The following TOMM34 variants were observed in gnomAD, a reference collection of about 807,000 sequenced individuals.
TOMM34 encodes the protein mitochondrial import receptor subunit TOM34.
TOMM34 carries 24 observed loss-of-function variants against 37.4 expected under a neutral mutation model. The ratio of observed to expected loss-of-function variants is 0.64; its 90% confidence interval spans 0.46 to 0.90. TOMM34 has a LOEUF of 0.90. TOMM34 is among the 40% of genes least tolerant of loss of function. The probability of loss-of-function intolerance (pLI) is 0.00; values close to 1 mark genes in which losing one functional copy is unlikely to be tolerated. For synonymous variants in TOMM34, 154 were observed against 148.9 expected (o/e 1.03, Z -0.25); for missense variants, 304 against 375.6 (o/e 0.81, Z 1.58).
At chr20:44,957,849 C>T (rs965005059) in intron 1 of TOMM34, among the ~76,000 whole-genome samples, 3 of 152,012 alleles carry the variant, frequency 2.0e-5, no homozygotes, top group African/African-American at 7.2e-5. Context: ...CACTGTGTTG[C>T]CCAGGTTGGT....
intron 1 of TOMM34, chr20:44,959,937 G>GA: frequency 1.0e-6 from 1 of 985,392 alleles, no homozygotes; most frequent in Non-Finnish European, 1.2e-6. Flanking sequence ...AATACTAACT[G>GA]AAAAATGAAT....
chr20:44,948,747 A>G lies in TOMM34; in HGVS notation c.681T>C (p.Ser227=). Residue 227 remains serine, a synonymous_variant, in exon 5 of 7, where the codon TCT becomes TCC. Coordinates refer to ENST00000372813, the MANE Select transcript of TOMM34 (RefSeq NM_006809.5). ...SESLLCSNLE[S]ATYSNRALCY... ...GGAGATACCTGTTGCTGTACGTGGC[A>G]GATTCCAGGTTACTACACAAGAGGC... The G allele has an allele frequency of 6.2e-7, 1 of 1,614,194 alleles. No individual in the cohort carries two copies. Among genetic ancestry groups the G allele is most frequent in the African/African-American group, 1.3e-5 (1 of 75,056 alleles).
Position 44,952,563 on chromosome 20 carries a change from C to T in TOMM34, c.381-561G>A, listed in dbSNP as rs1431291813. 4 of 716,642 alleles carry T rather than the reference C, an allele frequency of 5.6e-6. No homozygotes were observed. The African/African-American group carries it at 7.0e-5, about 13-fold the overall frequency. The allele number at this position is 716,642 out of a possible 1,614,324, so 44.4% of individuals were successfully genotyped here. ...GTTCAAGACTTTGCACATGCTTTTT[C>T]CTCTACCCAGAACAACCATTTTCAT... On this transcript the variant is annotated intron_variant, in intron 3 of 6. Transcript: ENST00000372813.
intron 4 of TOMM34, among the ~76,000 whole-genome samples, chr20:44,950,603 T>G (rs1167969545): frequency 1.3e-5 from 2 of 152,122 alleles, no homozygotes; most frequent in East Asian, 3.9e-4. Flanking sequence ...CAATGGTAGG[T>G]GCACTGATTG....
At chr20:44,956,188 C>CTG (rs2067071080) in intron 2 of TOMM34, among the ~76,000 whole-genome samples, 198 bp downstream of exon 2, 1 of 152,178 alleles carries the variant, frequency 6.6e-6, no homozygotes. Context: ...AGCCAAGACT[C>CTG]CAAAGATGCA....
At position 44,942,176 on chromosome 20, in the gene TOMM34, G is replaced by A. The variant is rs1293680731; in HGVS notation, c.*933C>T. The A allele has an allele frequency of 6.6e-6, 1 of 152,218 alleles. No homozygotes were observed. Among genetic ancestry groups the A allele is most frequent in the Non-Finnish European group, 1.5e-5 (1 of 68,040 alleles). The allele number at this position is 152,218 out of a possible 1,614,324, so 9.4% of individuals were successfully genotyped here. A position where few individuals can be genotyped will look rare whatever the true frequency, so the allele number is the denominator to read the frequency against. On this transcript the variant is annotated 3_prime_UTR_variant, in exon 7 of 7. Coordinates refer to ENST00000372813, the MANE Select transcript of TOMM34 (RefSeq NM_006809.5). ...CTTTTATTATTACTACAGAGTTCCA[G>A]GTGCAAAGCTGAAAAGGCATAAATG...
intron 5 of TOMM34, among the ~76,000 whole-genome samples, chr20:44,944,025 G>T (rs2066959634): frequency 6.6e-6 from 1 of 152,122 alleles, no homozygotes; most frequent in Non-Finnish European, 1.5e-5. Context: ...GCTGACATGG[G>T]GTGAAATGTA....
chr20:44,955,195 T>C lies in TOMM34; in HGVS notation c.253A>G (p.Ile85Val). Reference sequence around the variant, plus strand: ...GATGCTCGCCGCAGCAGGGGCTTAATGCTGAAGGGAACCAAGGCCAGTGCT... The same window carrying C: ...GATGCTCGCCGCAGCAGGGGCTTAACGCTGAAGGGAACCAAGGCCAGTGCT... Reference protein sequence around the residue: ...TSALALVPFSIKPLLRRASAY... With the variant: ...TSALALVPFSVKPLLRRASAY... The change falls in exon 3 of 7, where the codon ATT becomes GTT. Residue 85 changes from isoleucine (I) to valine (V), a missense_variant. By Grantham distance (29) the Ile-to-Val change is conservative (BLOSUM62 3). Transcript: ENST00000372813. 5.6e-6 allele frequency: 9 copies of C among 1,614,212 alleles called. No individual in the cohort carries two copies. The highest frequency in any genetic ancestry group is 7.6e-6 in the Non-Finnish European group (9 of 1,180,042).
intron 1 of TOMM34, among the ~76,000 whole-genome samples, chr20:44,957,142 G>A (rs2067080795): frequency 2.0e-5 from 3 of 152,150 alleles, no homozygotes; most frequent in Non-Finnish European, 4.4e-5. Flanking sequence ...CTTACCCTCA[G>A]GAATCGCAGA....
chr20:44,942,863 G>A lies in TOMM34; in HGVS notation c.*246C>T. 4 of 571,744 alleles carry A rather than the reference G, an allele frequency of 7.0e-6. No homozygotes were observed. The highest frequency in any genetic ancestry group is 4.7e-4 in the Middle Eastern group (1 of 2,142). The allele number at this position is 571,744 out of a possible 1,614,324, so 35.4% of individuals were successfully genotyped here. The stretch of plus-strand genomic sequence containing the variant: ...GCTGGGCTGGGGGAATAGGGACAGA[G>A]CTTCAGCTTCACGCTTAGCTCTAGT... On this transcript the variant is annotated 3_prime_UTR_variant, in exon 7 of 7. Transcript: ENST00000372813.
At chr20:44,943,367 T>G in intron 6 of TOMM34, 86 bp downstream of exon 6, 2 of 1,601,526 alleles carry the variant, frequency 1.2e-6, no homozygotes, top group Non-Finnish European at 1.7e-6. Context: ...AGATATTGTC[T>G]CAGCTTGGCT....
In TOMM34 at chr20:44,957,358, G is replaced by T. The variant is rs1028767310; in HGVS notation, c.128-873C>A. ...CAGGCACTCGCCACCACGCCTGGTA[G>T]AGACAGGGTTTCACTATGTTGGCCA... On this transcript the variant is annotated intron_variant, in intron 1 of 6. Transcript: ENST00000372813. Among the ~76,000 whole-genome samples, 4 of 152,100 alleles carry T rather than the reference G, an allele frequency of 2.6e-5. 1 individual carries two copies. In the South Asian group the frequency reaches 8.3e-4, roughly 32 times the overall value.
At chr20:44,945,527 G>A (rs1418976483) in intron 5 of TOMM34, among the ~76,000 whole-genome samples, 2 of 152,176 alleles carry the variant, frequency 1.3e-5, no homozygotes, top group South Asian at 4.1e-4. Flanking sequence ...CAGGGAAGAA[G>A]CCAACTACTC....
intron 5 of TOMM34, among the ~76,000 whole-genome samples, chr20:44,948,162 AC>A (rs2066996555): frequency 6.6e-6 from 1 of 152,220 alleles, no homozygotes; most frequent in African/African-American, 2.4e-5. Flanking sequence ...TCACTCCTAC[AC>A]AGTGAAGGGA....
At chr20:44,945,337 C>A (rs1002396670) in intron 5 of TOMM34, among the ~76,000 whole-genome samples, 2 of 152,194 alleles carry the variant, frequency 1.3e-5, no homozygotes, top group Admixed American at 6.5e-5. Context: ...TGGCAATCCT[C>A]CACTGAGAGG....
intron 4 of TOMM34, among the ~76,000 whole-genome samples, chr20:44,949,329 G>A (rs570371136): frequency 6.6e-6 from 1 of 152,232 alleles, no homozygotes; most frequent in African/African-American, 2.4e-5. Context: ...CTTAAAGCAG[G>A]ACAATAAGTA....
At chr20:44,947,207 G>C (rs959580990) in intron 5 of TOMM34, among the ~76,000 whole-genome samples, 4 of 152,178 alleles carry the variant, frequency 2.6e-5, no homozygotes, top group African/African-American at 9.7e-5. Context: ...TTTCAAATTA[G>C]CCTGGCAAAT....
intron 1 of TOMM34, 30 bp downstream of exon 1, chr20:44,960,177 C>A: frequency 3.2e-6 from 5 of 1,545,396 alleles, no homozygotes; most frequent in Non-Finnish European, 4.4e-6. Flanking sequence ...AGGAGCAGGC[C>A]CGGAGGTGAG....
At chr20:44,950,269 A>AC (rs2067015048) in intron 4 of TOMM34, among the ~76,000 whole-genome samples, 1 of 151,882 alleles carries the variant, frequency 6.6e-6, no homozygotes, top group Non-Finnish European at 1.5e-5. Flanking sequence ...CTTCCTTCCC[A>AC]CCTGATGACC....
Sources: gnomAD v4.1 joint callset for allele counts (sites outside exome capture counted in the v4.1 genomes callset) on GRCh38, gnomAD v4.1.1 for gene constraint, MANE v1.5 for transcripts, NCBI Gene and HGNC (gene_info 2026-07-23, HGNC 2026-07-21) for gene names.